Variants in LHPP observed in about 807,000 individuals in gnomAD.
LHPP encodes hLHPP.
LHPP carries 24 observed loss-of-function variants against 30.3 expected under a neutral mutation model. The observed-to-expected ratio is 0.79, with a 90% CI of 0.57 to 1.11. LHPP has a LOEUF of 1.11. Among genes scored for constraint, LHPP ranks in the 50% most tolerant of loss-of-function variants. The probability of loss-of-function intolerance (pLI) is 0.00; values close to 1 mark genes in which losing one functional copy is unlikely to be tolerated. For missense variants in LHPP, 356 were observed against 367.2 expected (o/e 0.97, Z 0.25); for synonymous variants, 150 against 157.1 (o/e 0.95, Z 0.34).
chr10:124,536,356 A>T (rs904032047), intron 6 of LHPP, among the ~76,000 whole-genome samples: 2 of 152,220 alleles, frequency 1.3e-5, no homozygotes, highest in African/African-American at 4.8e-5. Context: ...AGGAAGCGGT[A>T]GTGTTCCCGC....
intron 1 of LHPP, among the ~76,000 whole-genome samples, chr10:124,481,000 T>G (rs1355825059): frequency 6.6e-6 from 1 of 152,028 alleles, no homozygotes; most frequent in Non-Finnish European, 1.5e-5. Flanking sequence ...CTCAGGGAAG[T>G]AGTGGGTGAG....
At chr10:124,469,294 G>C (rs1244411185) in intron 1 of LHPP, among the ~76,000 whole-genome samples, 1 of 152,130 alleles carries the variant, frequency 6.6e-6, no homozygotes, top group Admixed American at 6.5e-5. Context: ...CTCTGAGCCT[G>C]CGAGGGGCGA....
chr10:124,593,641 C>T lies in LHPP; in HGVS notation c.717-19623C>T, dbSNP rs544123370. Among the ~76,000 whole-genome samples, 48 of 152,228 alleles carry T rather than the reference C, an allele frequency of 3.2e-4. No homozygotes were observed. The highest frequency in any genetic ancestry group is 5.9e-4 in the Non-Finnish European group (40 of 68,030). The stretch of plus-strand genomic sequence containing the variant: ...ACCATGGACCTGATGGGCAGATCCC[C>T]CAGGGCACTCTATCCAGAGGGTGGT... On this transcript the variant is annotated intron_variant, in intron 6 of 6. Transcript: ENST00000368842. This position sits in a 1 kb window ranked among gnomAD's most constrained non-coding sequence, Gnocchi z 4.9.
At chr10:124,488,920 T>G (rs1249702837) in intron 3 of LHPP, among the ~76,000 whole-genome samples, 1 of 152,100 alleles carries the variant, frequency 6.6e-6, no homozygotes, top group Non-Finnish European at 1.5e-5. Flanking sequence ...GAAGGTGCAT[T>G]TGCATAGGAT....
chr10:124,548,513 C>T (rs1955406236), intron 6 of LHPP, among the ~76,000 whole-genome samples: 1 of 152,212 alleles, frequency 6.6e-6, no homozygotes, highest in African/African-American at 2.4e-5. Flanking sequence ...GGGTGGGTCT[C>T]AGAACGGCAG....
chr10:124,494,285 C>T (rs1283741733), intron 3 of LHPP, among the ~76,000 whole-genome samples: 1 of 152,158 alleles, frequency 6.6e-6, no homozygotes, highest in African/African-American at 2.4e-5. Flanking sequence ...TGCTCCCGTC[C>T]ACCCAACCTC....
chr10:124,497,925 T>G (rs2133874632), intron 4 of LHPP, 111 bp from the exon 5 acceptor site: 1 of 839,144 alleles, frequency 1.2e-6, no homozygotes, highest in Non-Finnish European at 2.0e-6. Flanking sequence ...GCATCCTGCT[T>G]CTTCAAGGCC....
intron 6 of LHPP, among the ~76,000 whole-genome samples, chr10:124,594,931 C>G (rs905628031): frequency 1.3e-5 from 2 of 152,124 alleles, no homozygotes; most frequent in Admixed American, 1.3e-4. Flanking sequence ...GCACCCAGCC[C>G]CTTTGCTCTT....
At chr10:124,476,667 G>T (rs1353011220) in intron 1 of LHPP, among the ~76,000 whole-genome samples, 15 of 152,234 alleles carry the variant, frequency 9.9e-5, no homozygotes, top group Non-Finnish European at 1.5e-4. Flanking sequence ...GCGCACATCA[G>T]TGTGGGCGTC....
intron 1 of LHPP, among the ~76,000 whole-genome samples, chr10:124,468,245 C>A (rs529615420): frequency 1.3e-5 from 2 of 152,136 alleles, no homozygotes; most frequent in South Asian, 2.1e-4. Context: ...GATTGATTGC[C>A]AGGAGGGTTT....
chr10:124,466,925 C>G (rs1028635242), intron 1 of LHPP, among the ~76,000 whole-genome samples: 1 of 146,408 alleles, frequency 6.8e-6, no homozygotes, highest in Non-Finnish European at 1.5e-5. Context: ...AGGATTGAGA[C>G]CAGCCTGGGC....
chr10:124,609,117 T>C (rs1949132636), intron 6 of LHPP, among the ~76,000 whole-genome samples: 1 of 152,252 alleles, frequency 6.6e-6, no homozygotes, highest in Admixed American at 6.5e-5. Context: ...CACTTCAGGC[T>C]CTGCCAGCTT....
chr10:124,607,950 T>C (rs890161184), intron 6 of LHPP, among the ~76,000 whole-genome samples: 1 of 152,164 alleles, frequency 6.6e-6, no homozygotes, highest in African/African-American at 2.4e-5. Context: ...TAGTGGGAGC[T>C]GAGGGCAGCC....
chr10:124,573,014 G>A (rs1948610235), intron 6 of LHPP, among the ~76,000 whole-genome samples: 1 of 152,270 alleles, frequency 6.6e-6, no homozygotes, highest in African/African-American at 2.4e-5. Flanking sequence ...CAACTGCGTG[G>A]TGTGGGTAAC....
At chr10:124,554,445 C>A (rs766700923) in intron 6 of LHPP, among the ~76,000 whole-genome samples, 4 of 152,242 alleles carry the variant, frequency 2.6e-5, no homozygotes, top group Admixed American at 6.5e-5. Flanking sequence ...ATCCTCCTGC[C>A]TTGGCCTTCC....
intron 6 of LHPP, among the ~76,000 whole-genome samples, chr10:124,549,079 T>C (rs1364081460): frequency 6.6e-6 from 1 of 152,234 alleles, no homozygotes; most frequent in East Asian, 1.9e-4. Flanking sequence ...AAGTCTAAAG[T>C]GAAAATCTAA....
At chr10:124,585,623 AAAAAG>A (rs1948795040) in intron 6 of LHPP, among the ~76,000 whole-genome samples, 1 of 151,918 alleles carries the variant, frequency 6.6e-6, no homozygotes, top group South Asian at 2.1e-4. Flanking sequence ...TCTAAAAAAA[AAAAAG>A]AAAAAGAAAA....
At chr10:124,569,230 C>A (rs1022981369) in intron 6 of LHPP, among the ~76,000 whole-genome samples, 5 of 152,158 alleles carry the variant, frequency 3.3e-5, no homozygotes, top group African/African-American at 1.2e-4. Context: ...GTGAGACAGG[C>A]CACTGGGAGG....
At chr10:124,495,083 G>T (rs551187852) in intron 3 of LHPP, among the ~76,000 whole-genome samples, 2 of 152,194 alleles carry the variant, frequency 1.3e-5, no homozygotes, top group Non-Finnish European at 2.9e-5. Context: ...TACTTTTTTA[G>T]GCCATGTAAA....
Sources: gnomAD v4.1 joint callset for allele counts (sites outside exome capture counted in the v4.1 genomes callset) on GRCh38, gnomAD v4.1.1 for gene constraint, Gnocchi (gnomAD v3.1) non-coding constraint, MANE v1.5 for transcripts, NCBI Gene and HGNC (gene_info 2026-07-23, HGNC 2026-07-21) for gene names.